Variants in KIAA1217 observed in about 807,000 individuals in gnomAD.
KIAA1217 encodes the protein KIAA1217.
KIAA1217 carries 88 observed loss-of-function variants against 163.9 expected under a neutral mutation model. The ratio of observed to expected loss-of-function variants is 0.54; its 90% CI spans 0.45 to 0.64. The LOEUF is 0.64. Among genes scored for constraint, KIAA1217 ranks in the 30% least tolerant of loss-of-function variants. The probability of loss-of-function intolerance (pLI) is 0.00; values close to 1 mark genes in which losing one functional copy is unlikely to be tolerated. For missense variants in KIAA1217, 2,372 were observed against 2,475.0 expected, an observed-to-expected ratio of 0.96 and a Z score of 0.88; for synonymous variants, 903 against 923.1, an observed-to-expected ratio of 0.98 and a Z score of 0.39.
At chr10:23,932,267 G>A (rs779104222) in intron 1 of KIAA1217, among the ~76,000 whole-genome samples, 2 of 152,236 alleles carry the variant, frequency 1.3e-5, no homozygotes, top group Non-Finnish European at 2.9e-5. Flanking sequence ...AGTCAGGACT[G>A]TCGCCTGCAG....
intron 2 of KIAA1217, among the ~76,000 whole-genome samples, chr10:24,164,810 T>C (rs1170113332): frequency 6.6e-6 from 1 of 152,134 alleles, no homozygotes; most frequent in African/African-American, 2.4e-5. Flanking sequence ...CAGAACCAGT[T>C]GTGCCCCAGG....
intron 3 of KIAA1217, among the ~76,000 whole-genome samples, chr10:24,393,384 T>C (rs2055250919): frequency 6.6e-6 from 1 of 152,180 alleles, no homozygotes; most frequent in African/African-American, 2.4e-5. Context: ...CAGGCCCCTG[T>C]CTGGAGATGA....
chr10:24,087,386 A>G (rs2061734766), intron 2 of KIAA1217, among the ~76,000 whole-genome samples: 1 of 152,170 alleles, frequency 6.6e-6, no homozygotes, highest in South Asian at 2.1e-4. Flanking sequence ...TTCTGCAACC[A>G]TATGTACGGT....
intron 2 of KIAA1217, among the ~76,000 whole-genome samples, chr10:24,282,823 CTTTTTTTTTTTT>C (rs34486953): frequency 1.1e-4 from 5 of 46,238 alleles, no homozygotes; most frequent in Non-Finnish European, 1.9e-4. Context: ...GGTGTTGCTT[CTTTTTTTTTTTT>C]TTTTTTTTTT....
intron 16 of KIAA1217, 68 bp from the exon 17 acceptor site, chr10:24,536,706 T>A: frequency 6.4e-7 from 1 of 1,552,546 alleles, no homozygotes; most frequent in Non-Finnish European, 8.8e-7. Context: ...TGGTTGTTCC[T>A]GCCTGTTTCC....
intron 2 of KIAA1217, among the ~76,000 whole-genome samples, chr10:24,054,971 A>C (rs1278764465): frequency 6.6e-6 from 1 of 152,218 alleles, no homozygotes; most frequent in Non-Finnish European, 1.5e-5. Context: ...ACTCCAAATA[A>C]GAATTTTCTT....
Position 24,423,419 on chromosome 10 carries a change from G to A in KIAA1217, c.554-9576G>A, listed in dbSNP as rs547693452. ...CCTGCCTCAAATTCCCAGGTAGCTG[G>A]AATTACAGGCGCACACCACCACGCC... On this transcript the variant is annotated intron_variant, in intron 3 of 20. Coordinates refer to ENST00000376454, the MANE Select transcript of KIAA1217 (RefSeq NM_019590.5). Among the ~76,000 whole-genome samples, 17 of 152,114 alleles carry A rather than the reference G, an allele frequency of 1.1e-4. 1 individual carries two copies. The highest frequency in any genetic ancestry group is 9.8e-4 in the Admixed American group (15 of 15,278).
intron 2 of KIAA1217, among the ~76,000 whole-genome samples, chr10:24,355,581 A>T (rs896130293): frequency 6.6e-6 from 1 of 151,806 alleles, no homozygotes; most frequent in Non-Finnish European, 1.5e-5. Flanking sequence ...AAATACTATC[A>T]CATTGGAGAT....
chr10:23,867,312 C>T (rs963605074), intron 1 of KIAA1217, among the ~76,000 whole-genome samples: 12 of 151,872 alleles, frequency 7.9e-5, no homozygotes, highest in East Asian at 1.9e-4. Flanking sequence ...AATAAACATA[C>T]GTGTGCATGT....
intron 2 of KIAA1217, among the ~76,000 whole-genome samples, chr10:24,268,445 A>C (rs1407552948): frequency 2.5e-3 from 353 of 138,444 alleles, no homozygotes; most frequent in South Asian, 5.8e-3. Flanking sequence ...GCAGCCAAAA[A>C]ACACATGAAA....
chr10:24,520,827 C>T (rs1313761396), intron 11 of KIAA1217, among the ~76,000 whole-genome samples: 1 of 147,662 alleles, frequency 6.8e-6, no homozygotes, highest in African/African-American at 2.5e-5. Flanking sequence ...GCCTGGCAGC[C>T]TGGGTGGCAG....
At chr10:24,033,974 T>G (rs187311545) in intron 2 of KIAA1217, among the ~76,000 whole-genome samples, 1 of 152,330 alleles carries the variant, frequency 6.6e-6, no homozygotes, top group Admixed American at 6.5e-5. Flanking sequence ...TGCTAGGATA[T>G]CAAGGCAATC....
At chr10:23,831,994 CAGTGGACAATTCTCT>C (rs1360782281) in intron 1 of KIAA1217, among the ~76,000 whole-genome samples, 1 of 152,148 alleles carries the variant, frequency 6.6e-6, no homozygotes, top group East Asian at 1.9e-4. Context: ...AGATTTTTCC[CAGTGGACAATTCTCT>C]AGTGGACACC....
At chr10:24,226,948 T>A (rs977122336) in intron 2 of KIAA1217, among the ~76,000 whole-genome samples, 5 of 152,192 alleles carry the variant, frequency 3.3e-5, no homozygotes, top group African/African-American at 1.2e-4. Context: ...ATTCTGAAAT[T>A]AATTTTTCAA....
At chr10:24,438,281 G>A (rs544651769) in intron 4 of KIAA1217, 105 bp from the exon 5 acceptor site, 1 of 761,120 alleles carries the variant, frequency 1.3e-6, no homozygotes, top group Admixed American at 2.0e-5. Flanking sequence ...ATAGCCTTTG[G>A]ATTGTCTGTT....
chr10:24,270,906 T>C (rs564353730), intron 2 of KIAA1217, among the ~76,000 whole-genome samples: 1 of 152,288 alleles, frequency 6.6e-6, no homozygotes, highest in Non-Finnish European at 1.5e-5. Flanking sequence ...CCCACCTATA[T>C]CATACAGCAA....
intron 1 of KIAA1217, among the ~76,000 whole-genome samples, chr10:23,860,876 C>A (rs1308342955): frequency 6.6e-6 from 1 of 150,970 alleles, no homozygotes; most frequent in Non-Finnish European, 1.5e-5. Flanking sequence ...CTTTTCTCCT[C>A]TCTTTTTCTT....
At chr10:24,240,157 G>A (rs1410682893) in intron 2 of KIAA1217, among the ~76,000 whole-genome samples, 1 of 152,172 alleles carries the variant, frequency 6.6e-6, no homozygotes, top group Non-Finnish European at 1.5e-5. Flanking sequence ...AGCAATCACT[G>A]GATGCGGCTG....
chr10:23,883,582 C>T (rs988238867), intron 1 of KIAA1217, among the ~76,000 whole-genome samples: 5 of 151,918 alleles, frequency 3.3e-5, no homozygotes, highest in Admixed American at 2.6e-4. Flanking sequence ...CAACGTTCTC[C>T]ACCAAATCGA....
Sources: gnomAD v4.1 joint callset for allele counts (sites outside exome capture counted in the v4.1 genomes callset) on GRCh38, gnomAD v4.1.1 for gene constraint, MANE v1.5 for transcripts, NCBI Gene and HGNC (gene_info 2026-07-23, HGNC 2026-07-21) for gene names.